The following BCOR variants were observed in gnomAD, a reference collection of about 807,000 sequenced individuals.
BCOR encodes the protein BCL-6 corepressor.
A neutral mutation model predicts 86.7 loss-of-function variants in BCOR; 10 were observed. The observed-to-expected ratio is 0.12, with a 90% CI of 0.07 to 0.20. The LOEUF (loss-of-function observed/expected upper bound fraction) is 0.20. BCOR is among the 10% of genes least tolerant of loss of function. The probability of loss-of-function intolerance (pLI) is 1.00; values close to 1 mark genes in which losing one functional copy is unlikely to be tolerated. For synonymous variants in BCOR, 611 were observed against 609.0 expected (o/e 1.00, Z -0.05); for missense variants, 1,259 against 1,452.1 (o/e 0.87, Z 2.16).
upstream of BCOR, among the ~76,000 whole-genome samples, chrX:40,098,034 G>A (rs1298399231): frequency 6.7e-4 from 12 of 17,972 alleles, no homozygotes; most frequent in Admixed American, 6.5e-3. Flanking sequence ...CCCTCCGCCC[G>A]TCCTCCCTCC....
intron 10 of BCOR, among the ~76,000 whole-genome samples, chrX:40,060,906 G>GT (rs1255846641): frequency 1.8e-5 from 2 of 112,905 alleles, no homozygotes; most frequent in Admixed American, 9.3e-5. Flanking sequence ...CAGCATCCCA[G>GT]TTCCCACCCA....
intron 1 of BCOR, among the ~76,000 whole-genome samples, chrX:40,139,372 A>G (rs1263083904): frequency 1.8e-5 from 1 of 54,664 alleles, no homozygotes; most frequent in African/African-American, 5.7e-5. Flanking sequence ...TTTAAAATAT[A>G]TATATATATA....
In BCOR at chrX:40,052,377, G is replaced by A. The variant is rs754470140; in HGVS notation, c.5000C>T (p.Ser1667Leu). Residue 1667 changes from serine to leucine, a missense_variant, in exon 15 of 15, where the codon TCG (serine) becomes TTG (leucine). Physicochemically the swap from Ser to Leu is moderately radical, Grantham distance 145. Coordinates refer to ENST00000378444, the MANE Select transcript of BCOR (RefSeq NM_001123385.2). Reference protein sequence around the residue: ...AQGPRNWLLLSDVLKKLKMSS... With the variant: ...AQGPRNWLLLLDVLKKLKMSS... ...CATTTTCAATTTCTTAAGGACATCC[G>A]AAAGCAGTAGCCAGTTTCGTGGCCT... is the stretch of plus-strand genomic sequence containing the variant. 10 of 1,210,429 alleles carry A rather than the reference G, an allele frequency of 8.3e-6. No individual in the cohort carries two copies. The Admixed American group carries it at 1.1e-4, about 13-fold the overall frequency.
chrX:40,089,113 G>A (rs2147564311), intron 1 of BCOR, among the ~76,000 whole-genome samples: 1 of 111,817 alleles, frequency 8.9e-6, no homozygotes, highest in South Asian at 3.7e-4. Context: ...AGTCTCAGGG[G>A]GTCTCAGGGG....
chrX:40,091,950 G>C lies in BCOR; in HGVS notation c.-41+5265C>G, dbSNP rs921095148. ...TGGGCTGGGGCACCGAGGCAATAAG[G>C]AGGCTCCTCTTGACCCGCAGCACTG... On this transcript the variant is annotated intron_variant, in intron 1 of 14. Coordinates refer to ENST00000378444, the MANE Select transcript of BCOR (RefSeq NM_001123385.2). Among the ~76,000 whole-genome samples the C allele has an allele frequency of 1.7e-4, 19 of 113,001 alleles. 1 individual carries two copies. Among genetic ancestry groups the C allele is most frequent in the Admixed American group, 1.4e-3 (15 of 10,883 alleles).
At chrX:40,118,590 G>A (rs748326348) in intron 1 of BCOR, among the ~76,000 whole-genome samples, 5 of 111,375 alleles carry the variant, frequency 4.5e-5, no homozygotes, top group Non-Finnish European at 9.4e-5. Context: ...CAACCTGGCC[G>A]ACTCTAGATC....
chrX:40,060,685 G>A (rs1934824308), intron 10 of BCOR, among the ~76,000 whole-genome samples: 1 of 112,495 alleles, frequency 8.9e-6, no homozygotes, highest in Admixed American at 9.4e-5. Context: ...GTCCTCATAG[G>A]CGCCGCTGCT....
intron 1 of BCOR, among the ~76,000 whole-genome samples, chrX:40,127,906 A>AATT (rs1937562418): frequency 1.9e-5 from 2 of 103,482 alleles, no homozygotes; most frequent in Non-Finnish European, 3.9e-5. Flanking sequence ...ATAAATAAAT[A>AATT]AATTTAAAAA....
rs587778093 is a variant in BCOR at position 40,072,392 on chromosome X, T to C, written c.2954A>G (p.Tyr985Cys). ...DRFKCVTTEL[Y>C]ADSSQLSREQ... ...CCGGCTGAGCTGACTGGAATCTGCA[T>C]ACAGTTCGGTAGTGACACATTTGAA... Residue 985 changes from tyrosine to cysteine, a missense_variant, in exon 4 of 15, where the codon TAT becomes TGT. Transcript: ENST00000378444. 7 of 1,210,217 alleles carry C rather than the reference T, an allele frequency of 5.8e-6. No homozygotes were observed. Among genetic ancestry groups the C allele is most frequent in the Non-Finnish European group, 6.7e-6 (6 of 894,707 alleles).
Position 40,062,824 on chromosome X carries a change from G to C in BCOR, c.4095C>G (p.Thr1365=), listed in dbSNP as rs750841214. 15 of 1,210,197 alleles carry C rather than the reference G, an allele frequency of 1.2e-5. No homozygotes were observed. The highest frequency in any genetic ancestry group is 2.3e-4 in the Middle Eastern group (1 of 4,356). Residue 1365 remains threonine (T), a synonymous_variant, in exon 9 of 15, where the codon ACC becomes ACG. Coordinates refer to ENST00000378444, the MANE Select transcript of BCOR (RefSeq NM_001123385.2). ...TGGACTCCTGAGGGATCAAGTGTTTGGTTTTGCACAGTCTCTTCCCGGATG... is the reference window on the plus strand; with the variant it reads ...TGGACTCCTGAGGGATCAAGTGTTTCGTTTTGCACAGTCTCTTCCCGGATG... ...EKPSGKRLCK[T]KHLIPQESRR... is the part of the protein sequence containing the mutation.
chrX:40,172,917 A>G (rs1938660857), intron 1 of BCOR, among the ~76,000 whole-genome samples: 1 of 112,572 alleles, frequency 8.9e-6, no homozygotes, highest in Non-Finnish European at 1.9e-5. Context: ...CCTCCGGCGG[A>G]CGTGACCGCC....
chrX:40,139,384 AAT>A (rs755625484), intron 1 of BCOR, among the ~76,000 whole-genome samples: 39 of 17,330 alleles, frequency 2.3e-3, no homozygotes, highest in African/African-American at 8.7e-3. Context: ...ATATATATAT[AAT>A]ATATATACAT....
intron 1 of BCOR, among the ~76,000 whole-genome samples, chrX:40,103,554 A>T (rs1937111957): frequency 9.0e-6 from 1 of 111,048 alleles, no homozygotes; most frequent in Non-Finnish European, 1.9e-5. Context: ...TGTTCTTAAA[A>T]TAATAATTTA....
chrX:40,139,445 TAATATATATAC>T (rs1937815215), intron 1 of BCOR, among the ~76,000 whole-genome samples: 1 of 7,847 alleles, frequency 1.3e-4, no homozygotes, highest in African/African-American at 2.1e-3. Context: ...TATATATATA[TAATATATATAC>T]ATATATATAT....
chrX:40,069,429 G>A (rs1935361364), intron 6 of BCOR, among the ~76,000 whole-genome samples: 1 of 111,928 alleles, frequency 8.9e-6, no homozygotes, highest in Non-Finnish European at 1.9e-5. Flanking sequence ...TACATCATGT[G>A]GGGCTTGGGC....
Position 40,114,849 on chromosome X carries a change from CT to C in BCOR, c.-40-36881del, listed in dbSNP as rs763376608. Among the ~76,000 whole-genome samples the C allele has an allele frequency of 3.2e-3, 276 of 85,064 alleles. 2 individuals are homozygous for C. Among genetic ancestry groups the C allele is most frequent in the African/African-American group, 8.7e-3 (206 of 23,602 alleles). The allele number at this position is 85,064 out of a possible 115,157, so 73.9% of individuals were successfully genotyped here. Reference sequence around the variant, plus strand: ...CCTATGGCTTAGGTATTACCATTCACTTTTTTTTTTTTTTTTTTTTTGAGTT... The same window carrying C: ...CCTATGGCTTAGGTATTACCATTCACTTTTTTTTTTTTTTTTTTTTGAGTT... On this transcript the variant is annotated intron_variant, in intron 1 of 14. Transcript: ENST00000342274.
intron 1 of BCOR, among the ~76,000 whole-genome samples, chrX:40,135,932 T>C (rs1403447591): frequency 8.9e-6 from 1 of 112,193 alleles, no homozygotes; most frequent in African/African-American, 3.2e-5. Context: ...AGATACATAG[T>C]TTTGGTTTGA....
intron 1 of BCOR, among the ~76,000 whole-genome samples, chrX:40,106,172 C>G (rs1399362673): frequency 8.9e-6 from 1 of 112,003 alleles, no homozygotes; most frequent in African/African-American, 3.2e-5. Flanking sequence ...ACCTGCAAGG[C>G]TTGCCCTGCC....
chrX:40,176,008 G>A (rs1938741310), intron 1 of BCOR, among the ~76,000 whole-genome samples: 1 of 112,697 alleles, frequency 8.9e-6, no homozygotes, highest in African/African-American at 3.2e-5. Context: ...TGCGGGGGGC[G>A]GAGGGACACC....
Sources: gnomAD v4.1 joint callset for allele counts (sites outside exome capture counted in the v4.1 genomes callset) on GRCh38, gnomAD v4.1.1 for gene constraint, MANE v1.5 for transcripts, NCBI Gene and HGNC (gene_info 2026-07-23, HGNC 2026-07-21) for gene names.